Variants in MAP3K15 observed in about 807,000 individuals in gnomAD.
MAP3K15 encodes the protein mitogen-activated protein kinase kinase kinase 15.
Under a neutral mutation model 99.5 loss-of-function variants are expected in MAP3K15, and 124 were observed. The observed-to-expected ratio is 1.25, with a 90% CI of 1.08 to 1.45. The LOEUF is 1.45. Ranked by LOEUF, MAP3K15 falls within the 40% of genes most tolerant of loss-of-function variation. The pLI is 0.00. For synonymous variants in MAP3K15, 494 were observed against 439.6 expected (o/e 1.12, Z -1.55); for missense variants, 1,242 against 1,079.7 (o/e 1.15, Z -2.11).
rs1321719377 is a variant in MAP3K15, at chrX:19,445,345, C to G, written c.995+11568G>C. Among the ~76,000 whole-genome samples the G allele has an allele frequency of 2.7e-5, 3 of 110,094 alleles. No homozygotes were observed. The Admixed American group carries it at 2.9e-4, about 11-fold the overall frequency. Reference sequence around the variant, plus strand: ...GTGGCTCATGCCTGTAATCCCAGCACTTTGGGAGGCTGAGGTGGGTGGATC... The same window carrying G: ...GTGGCTCATGCCTGTAATCCCAGCAGTTTGGGAGGCTGAGGTGGGTGGATC... On this transcript the variant is annotated intron_variant, in intron 6 of 28. Coordinates refer to ENST00000338883, the MANE Select transcript of MAP3K15 (RefSeq NM_001001671.4).
intron 9 of MAP3K15, among the ~76,000 whole-genome samples, chrX:19,418,530 G>T (rs143211048): frequency 0.07 from 7,708 of 110,542 alleles, 681 homozygotes; most frequent in African/African-American, 0.24. Context: ...AAGAAATATG[G>T]GACTATGTGA....
At chrX:19,450,455 G>A (rs1392491128) in intron 6 of MAP3K15, among the ~76,000 whole-genome samples, 1 of 110,321 alleles carries the variant, frequency 9.1e-6, no homozygotes, top group Admixed American at 9.5e-5. Context: ...AATAAAGGCA[G>A]CATTGCCAAA....
chrX:19,487,809 C>T (rs779744166), intron 2 of MAP3K15, among the ~76,000 whole-genome samples: 1 of 111,660 alleles, frequency 9.0e-6, no homozygotes, highest in Non-Finnish European at 1.9e-5. Flanking sequence ...CCAACTTTGG[C>T]ATAAAATTGT....
intron 6 of MAP3K15, among the ~76,000 whole-genome samples, chrX:19,437,817 T>A (rs1187536205): frequency 8.9e-6 from 1 of 111,769 alleles, no homozygotes; most frequent in African/African-American, 3.3e-5. Flanking sequence ...AATGACTAAC[T>A]GAGCAGTTAT....
intron 3 of MAP3K15, among the ~76,000 whole-genome samples, chrX:19,478,877 T>C (rs1052022291): frequency 1.8e-5 from 2 of 109,351 alleles, no homozygotes; most frequent in African/African-American, 3.3e-5. Flanking sequence ...CAATGTACTT[T>C]TAACAATTCC....
chrX:19,364,396 C>G (rs980299770), intron 25 of MAP3K15, among the ~76,000 whole-genome samples: 23 of 111,487 alleles, frequency 2.1e-4, no homozygotes, highest in Non-Finnish European at 4.1e-4. Context: ...AAACAGTGCC[C>G]CCAAATGGCC....
intron 3 of MAP3K15, among the ~76,000 whole-genome samples, chrX:19,466,253 T>C (rs1290257811): frequency 8.9e-6 from 1 of 112,093 alleles, no homozygotes; most frequent in African/African-American, 3.2e-5. Flanking sequence ...ATTTACATAT[T>C]CAAAAGTTAA....
chrX:19,360,212 C>G lies in MAP3K15; in HGVS notation c.*537G>C, dbSNP rs1477339971. 3 of 136,378 alleles carry G rather than the reference C, an allele frequency of 2.2e-5. No homozygotes were observed. The highest frequency in any genetic ancestry group is 9.6e-5 in the African/African-American group (3 of 31,327). 11.2% of individuals were successfully genotyped at this position (136,378 alleles called of 1,213,427 possible). A position where few individuals can be genotyped will look rare whatever the true frequency, so the allele number is the denominator to read the frequency against. ...TATAAATATGAAGCTATTTTCTGTTCATATCAAACATTAACTACAAGGCAC... is the reference window on the plus strand; with the variant it reads ...TATAAATATGAAGCTATTTTCTGTTGATATCAAACATTAACTACAAGGCAC... On this transcript the variant is annotated 3_prime_UTR_variant, in exon 29 of 29. Coordinates refer to ENST00000338883, the MANE Select transcript of MAP3K15 (RefSeq NM_001001671.4).
chrX:19,400,569 G>A lies in MAP3K15; in HGVS notation c.1932+7C>T, dbSNP rs1423489106. 1 of 1,168,819 alleles carries A rather than the reference G, an allele frequency of 8.6e-7. No homozygotes were observed. The highest frequency in any genetic ancestry group is 3.0e-5 in the East Asian group (1 of 33,551). ...GTTTTCCATATTCTAGATCGTCCAT[G>A]ACTCACCTCCAAGGTGTCTCCATCG... On this transcript the variant is annotated splice_region_variant and intron_variant, in intron 14 of 28. Transcript: ENST00000338883.
Position 19,431,445 on chromosome X carries a change from T to C in MAP3K15, c.1159A>G (p.Ile387Val), listed in dbSNP as rs375865981. 3 of 1,198,014 alleles carry C rather than the reference T, an allele frequency of 2.5e-6. No individual in the cohort carries two copies. The highest frequency in any genetic ancestry group is 1.7e-5 in the African/African-American group (1 of 57,181). Residue 387 changes from isoleucine to valine, a missense_variant, in exon 7 of 29, where the codon ATT becomes GTT. Physicochemically the swap from Ile to Val is conservative, Grantham distance 29 (BLOSUM62 3). Transcript: ENST00000338883. ...CTCGGGCTGAGGGTTTACCACTCAA[T>C]GGCGCTGTCGCGGCTGGTGTCATCT... ...CKDDTSRDSA[I>V]EWYRKGFELQ...
Position 19,392,059 on chromosome X carries a change from C to T in MAP3K15, c.2374G>A (p.Asp792Asn), listed in dbSNP as rs368657739. The T allele has an allele frequency of 3.2e-5, 39 of 1,209,740 alleles. No individual in the cohort carries two copies. The highest frequency in any genetic ancestry group is 8.7e-5 in the African/African-American group (5 of 57,269). Reference sequence around the variant, plus strand: ...GCAAGACGTTTCGAGGTTCCAAAATCGGAGATTTTCACCACTCCGCTGTAG... The same window carrying T: ...GCAAGACGTTTCGAGGTTCCAAAATTGGAGATTTTCACCACTCCGCTGTAG... ...NTYSGVVKIS[D>N]FGTSKRLAGV... is the part of the protein sequence containing the mutation. Residue 792 changes from aspartate to asparagine, a missense_variant, in exon 18 of 29, where the codon GAT becomes AAT. Physicochemically the swap from Asp to Asn is conservative, Grantham distance 23. Transcript: ENST00000338883.
intron 16 of MAP3K15, among the ~76,000 whole-genome samples, chrX:19,393,470 A>G (rs1384847111): frequency 9.0e-6 from 1 of 110,939 alleles, no homozygotes; most frequent in African/African-American, 3.3e-5. Context: ...ATCTCTACTA[A>G]AAATACAAAA....
intron 6 of MAP3K15, among the ~76,000 whole-genome samples, chrX:19,456,350 G>A (rs984252724): frequency 7.2e-5 from 8 of 111,351 alleles, no homozygotes; most frequent in African/African-American, 2.6e-4. Context: ...TGAATCTCGC[G>A]AACACGACGA....
intron 6 of MAP3K15, among the ~76,000 whole-genome samples, chrX:19,433,877 G>A (rs1432301432): frequency 9.0e-6 from 1 of 111,458 alleles, no homozygotes; most frequent in Non-Finnish European, 1.9e-5. Flanking sequence ...AACTGGAGAT[G>A]ACTCAGATGT....
chrX:19,372,929 G>A, intron 21 of MAP3K15, 102 bp from the exon 22 acceptor site: 4 of 787,263 alleles, frequency 5.1e-6, no homozygotes, highest in South Asian at 2.5e-5. Flanking sequence ...AGGTAACTGC[G>A]ATGCAGTCCC....
At chrX:19,378,831 C>A (rs1001865429) in intron 19 of MAP3K15, among the ~76,000 whole-genome samples, 2 of 111,665 alleles carry the variant, frequency 1.8e-5, no homozygotes, top group Non-Finnish European at 3.8e-5. Context: ...AACCCCCACC[C>A]GCAATGCTCA....
chrX:19,380,629 G>C (rs770473211), intron 18 of MAP3K15, among the ~76,000 whole-genome samples: 1 of 111,411 alleles, frequency 9.0e-6, no homozygotes, highest in Non-Finnish European at 1.9e-5. Context: ...GGGTTCAAGC[G>C]ATTCTCACGC....
intron 3 of MAP3K15, among the ~76,000 whole-genome samples, chrX:19,474,932 G>GT: frequency 9.0e-6 from 1 of 110,959 alleles, no homozygotes; most frequent in Non-Finnish European, 1.9e-5. Flanking sequence ...TAAAACAGTG[G>GT]TCCCCAACCT....
intron 6 of MAP3K15, among the ~76,000 whole-genome samples, chrX:19,439,156 C>T (rs73455622): frequency 0.012 from 1,387 of 111,142 alleles, 20 homozygotes; most frequent in African/African-American, 0.042. Context: ...GAGGTCGTGC[C>T]ACCGGCCCTC....
Sources: allele counts gnomAD v4.1 joint callset (sites outside exome capture counted in the v4.1 genomes callset), GRCh38; gene constraint gnomAD v4.1.1; transcripts MANE v1.5; gene names NCBI Gene and HGNC (gene_info 2026-07-23, HGNC 2026-07-21).